WNK1: variants seen among roughly 807,000 people sequenced by gnomAD.
WNK1 encodes the protein WNK lysine deficient protein kinase 1, also known as serine/threonine-protein kinase WNK1.
Under a neutral mutation model 222.8 loss-of-function variants are expected in WNK1, and 38 were observed. The observed-to-expected ratio is 0.17, with a 90% CI of 0.13 to 0.22. WNK1 has a LOEUF of 0.22. Among genes scored for constraint, WNK1 ranks in the 10% least tolerant of loss-of-function variants. The probability of loss-of-function intolerance (pLI) is 1.00; values close to 1 mark genes in which losing one functional copy is unlikely to be tolerated. For synonymous variants in WNK1, 1,090 were observed against 1,092.9 expected (o/e 1.00, Z 0.05); for missense variants, 2,348 against 2,918.4 (o/e 0.80, Z 4.50).
intron 8 of WNK1, chr12:865,281 G>C (rs1410401624): frequency 1.3e-6 from 2 of 1,535,942 alleles, no homozygotes; most frequent in African/African-American, 2.7e-5. Flanking sequence ...GCTTTCTAAA[G>C]CATTGGAGAG....
intron 8 of WNK1, chr12:867,803 G>A: frequency 6.3e-7 from 1 of 1,581,446 alleles, no homozygotes; most frequent in Non-Finnish European, 8.7e-7. Flanking sequence ...ACCCAGTTGT[G>A]CATGTCTGAT....
intron 1 of WNK1, among the ~76,000 whole-genome samples, chr12:778,575 C>T (rs1186022407): frequency 2.0e-5 from 3 of 151,972 alleles, no homozygotes; most frequent in African/African-American, 7.3e-5. Context: ...AACTGATCCA[C>T]CTGCCTCAGC....
In WNK1 at chr12:868,491, C is replaced by T. The variant is rs539230381; in HGVS notation, c.2140-2774C>T. On this transcript the variant is annotated intron_variant, in intron 8 of 27. Coordinates refer to ENST00000315939, the MANE Select transcript of WNK1 (RefSeq NM_018979.4). ...CTAAGATTAGATTCTGGATTGGGTC[C>T]GGGATCTCCCCTCTCTAGTATTTCT... The T allele has an allele frequency of 1.5e-5, 24 of 1,613,922 alleles. No individual in the cohort carries two copies. The highest frequency in any genetic ancestry group is 6.6e-5 in the South Asian group (6 of 91,066).
intron 1 of WNK1, among the ~76,000 whole-genome samples, chr12:754,953 C>A (rs72647383): frequency 1.0e-3 from 155 of 152,260 alleles, no homozygotes; most frequent in African/African-American, 3.6e-3. Flanking sequence ...CACTATACAG[C>A]GAATAGTATA....
At chr12:808,288 T>TTTTTTTC (rs1176910108) in intron 1 of WNK1, among the ~76,000 whole-genome samples, 1 of 152,128 alleles carries the variant, frequency 6.6e-6, no homozygotes, top group Non-Finnish European at 1.5e-5. Context: ...AGTTTGCCTT[T>TTTTTTTC]TTTTTTCTTT....
At chr12:830,315 CTA>C (rs945674735) in intron 4 of WNK1, among the ~76,000 whole-genome samples, 155 bp downstream of exon 4, 5 of 152,178 alleles carry the variant, frequency 3.3e-5, no homozygotes, top group Non-Finnish European at 5.9e-5. Context: ...ATGTGTAAGG[CTA>C]TTGCTCATGA....
chr12:894,529 C>T, intron 22 of WNK1, 33 bp from the exon 23 acceptor site: 1 of 1,573,434 alleles, frequency 6.4e-7, no homozygotes, highest in Non-Finnish European at 8.7e-7. Context: ...GAAGGAGACA[C>T]TTATGTTTTC....
intron 11 of WNK1, 43 bp from the exon 12 acceptor site, chr12:880,678 A>AC: frequency 6.3e-7 from 1 of 1,597,552 alleles, no homozygotes. Context: ...TAATTTATTG[A>AC]CCCCCAACCT....
At chr12:802,032 A>C (rs1945930182) in intron 1 of WNK1, among the ~76,000 whole-genome samples, 1 of 152,172 alleles carries the variant, frequency 6.6e-6, no homozygotes, top group Admixed American at 6.6e-5. Flanking sequence ...GCATGTAAGA[A>C]TATTAGTAAA....
chr12:762,475 GT>G (rs1448723170), intron 1 of WNK1, among the ~76,000 whole-genome samples: 1 of 147,466 alleles, frequency 6.8e-6, no homozygotes, highest in East Asian at 1.9e-4. Context: ...TTTTGTTATT[GT>G]TTTTTCCCCC....
intron 27 of WNK1, 172 bp downstream of exon 27, chr12:908,206 C>A: frequency 1.1e-6 from 1 of 921,434 alleles, no homozygotes; most frequent in Non-Finnish European, 1.7e-6. Flanking sequence ...TCCCTGAATT[C>A]CTAACCTCTT....
At chr12:770,753 T>A (rs1942378720) in intron 1 of WNK1, among the ~76,000 whole-genome samples, 1 of 152,248 alleles carries the variant, frequency 6.6e-6, no homozygotes, top group Non-Finnish European at 1.5e-5. Context: ...CATACCAGAT[T>A]GTTAAGAAAA....
At chr12:873,862 A>G (rs1358866578) in intron 9 of WNK1, among the ~76,000 whole-genome samples, 1 of 152,110 alleles carries the variant, frequency 6.6e-6, no homozygotes, top group Non-Finnish European at 1.5e-5. Flanking sequence ...TTTTGCTAAA[A>G]TTTACTTTAT....
Position 753,324 on chromosome 12 carries a change from C to T in WNK1, c.-242C>T. 1 of 570,366 alleles carries T rather than the reference C, an allele frequency of 1.8e-6. No homozygotes were observed. The highest frequency in any genetic ancestry group is 3.1e-6 in the Non-Finnish European group (1 of 324,716). The allele number at this position is 570,366 out of a possible 1,614,324, so 35.3% of individuals were successfully genotyped here. A position where few individuals can be genotyped will look rare whatever the true frequency, so the allele number is the denominator to read the frequency against. ...AACCCCCGTGGCTCAGCTCCCGAAT[C>T]GCCCGCCTTCGAGCCCTCCTCGTGA... On this transcript the variant is annotated 5_prime_UTR_variant, in exon 1 of 28. Transcript: ENST00000315939. The surrounding 1 kb of genome is among the most constrained non-coding windows in gnomAD (Gnocchi z 5.2).
chr12:883,640 A>C (rs1201139128), intron 16 of WNK1, 72 bp downstream of exon 16: 17 of 1,607,908 alleles, frequency 1.1e-5, no homozygotes, highest in Middle Eastern at 1.6e-4. Flanking sequence ...TTGCTATGCA[A>C]AATGTCCAGT....
chr12:887,324 A>C lies in WNK1; in HGVS notation c.5364+20A>C, dbSNP rs2154085871. 5.0e-6 allele frequency: 8 copies of C among 1,613,268 alleles called. No individual in the cohort carries two copies. Among genetic ancestry groups the C allele is most frequent in the Non-Finnish European group, 6.8e-6 (8 of 1,179,252 alleles). ...ACCCAGGTGCCTCAAGACTTGACAAATTTCTTCCTGTGCCCTACTTTCTTT... is the reference window on the plus strand; with the variant it reads ...ACCCAGGTGCCTCAAGACTTGACAACTTTCTTCCTGTGCCCTACTTTCTTT... On this transcript the variant is annotated intron_variant, in intron 20 of 27. Transcript: ENST00000315939.
chr12:795,521 T>G (rs979551477), intron 1 of WNK1, among the ~76,000 whole-genome samples: 3 of 152,148 alleles, frequency 2.0e-5, no homozygotes, highest in Non-Finnish European at 2.9e-5. Context: ...TGGTTGGTTC[T>G]CATTCTCTGT....
chr12:878,479 G>T (rs1952824265), intron 10 of WNK1, 118 bp downstream of exon 10: 2 of 1,164,270 alleles, frequency 1.7e-6, no homozygotes, highest in African/African-American at 1.6e-5. Flanking sequence ...TCTTCTAAGG[G>T]TAACCAACCC....
intron 4 of WNK1, among the ~76,000 whole-genome samples, chr12:856,607 A>G (rs980177398): frequency 2.6e-5 from 4 of 152,134 alleles, no homozygotes; most frequent in Non-Finnish European, 4.4e-5. Flanking sequence ...TGGGTCCAAT[A>G]TATTACTTTT....
Sources: allele counts gnomAD v4.1 joint callset (sites outside exome capture counted in the v4.1 genomes callset), GRCh38; gene constraint gnomAD v4.1.1; non-coding constraint Gnocchi (gnomAD v3.1); transcripts MANE v1.5; gene names NCBI Gene and HGNC (gene_info 2026-07-23, HGNC 2026-07-21).